The following ZNF385D variants were observed in gnomAD, a reference collection of about 807,000 sequenced individuals.
ZNF385D encodes the protein zinc finger protein 385D.
ZNF385D carries 15 observed loss-of-function variants against 35.8 expected under a neutral mutation model. The observed-to-expected ratio is 0.42, with a 90% CI of 0.28 to 0.64. The LOEUF (loss-of-function observed/expected upper bound fraction) is 0.64. Among genes scored for constraint, ZNF385D ranks in the 30% least tolerant of loss-of-function variants. The probability of loss-of-function intolerance (pLI) is 0.23; values close to 1 mark genes in which losing one functional copy is unlikely to be tolerated. For synonymous variants in ZNF385D, 212 were observed against 186.8 expected (o/e 1.13, Z -1.10); for missense variants, 474 against 494.6 (o/e 0.96, Z 0.39).
chr3:22,334,611 T>C (rs964531282), intron 2 of ZNF385D, among the ~76,000 whole-genome samples: 1 of 152,192 alleles, frequency 6.6e-6, no homozygotes, highest in African/African-American at 2.4e-5. Flanking sequence ...AATAGTTGAA[T>C]TATATTTTCT....
At chr3:21,676,143 C>T (rs2066716503) in intron 1 of ZNF385D, among the ~76,000 whole-genome samples, 2 of 152,214 alleles carry the variant, frequency 1.3e-5, no homozygotes, top group Non-Finnish European at 2.9e-5. Flanking sequence ...CACACTGTCA[C>T]TGTTTTAAGG....
intron 3 of ZNF385D, among the ~76,000 whole-genome samples, chr3:21,920,341 T>A (rs1047220315): frequency 2.6e-5 from 4 of 152,176 alleles, no homozygotes; most frequent in African/African-American, 9.7e-5. Context: ...GGAAAAAAAA[T>A]TAAAAATTGC....
At chr3:22,188,616 A>T (rs922763876) in intron 2 of ZNF385D, among the ~76,000 whole-genome samples, 27 of 151,762 alleles carry the variant, frequency 1.8e-4, no homozygotes, top group Admixed American at 1.8e-3. Flanking sequence ...CACCCTGCTA[A>T]TTTTTTGTAT....
At chr3:21,457,467 T>C (rs1702895771) in intron 4 of ZNF385D, among the ~76,000 whole-genome samples, 1 of 152,074 alleles carries the variant, frequency 6.6e-6, no homozygotes, top group Non-Finnish European at 1.5e-5. Flanking sequence ...GTGATTCTTC[T>C]GCCTCAGCCT....
intron 3 of ZNF385D, among the ~76,000 whole-genome samples, chr3:22,064,749 G>A (rs1410366808): frequency 6.6e-6 from 1 of 152,192 alleles, no homozygotes; most frequent in African/African-American, 2.4e-5. Context: ...GAAGTCATTA[G>A]TAGTATAATG....
At chr3:22,236,417 A>T (rs974100233) in intron 2 of ZNF385D, among the ~76,000 whole-genome samples, 1 of 152,084 alleles carries the variant, frequency 6.6e-6, no homozygotes, top group African/African-American at 2.4e-5. Flanking sequence ...CTGCAGCCTC[A>T]AACTCCTGGC....
chr3:21,425,118 A>G (rs1468737593), intron 6 of ZNF385D, among the ~76,000 whole-genome samples: 1 of 152,220 alleles, frequency 6.6e-6, no homozygotes, highest in African/African-American at 2.4e-5. Context: ...TAAACAAATT[A>G]AAACGGAATA....
At chr3:21,633,041 T>G (rs12634004) in intron 2 of ZNF385D, among the ~76,000 whole-genome samples, 44,927 of 151,954 alleles carry the variant, frequency 0.3, 6,943 homozygotes, top group African/African-American at 0.36. Flanking sequence ...TTACTTGAAA[T>G]GAAAATGCAC....
rs144412076 is a variant in ZNF385D at position 21,838,526 on chromosome 3, G to A, written c.326-173498C>T. The stretch of plus-strand genomic sequence containing the variant: ...TAGAATATCACACCGACACTCTAAG[G>A]CACTAGGAAGAAAATTCCCAACAGC... On this transcript the variant is annotated intron_variant, in intron 3 of 5. Transcript: ENST00000494108. 4.2e-3 allele frequency among the ~76,000 whole-genome samples: 634 copies of A among 152,158 alleles called. 7 individuals are homozygous for A. Among genetic ancestry groups the A allele is most frequent in the African/African-American group, 0.014 (591 of 41,540 alleles).
intron 3 of ZNF385D, among the ~76,000 whole-genome samples, chr3:21,885,075 A>C (rs561872746): frequency 6.6e-6 from 1 of 152,204 alleles, no homozygotes; most frequent in East Asian, 1.9e-4. Flanking sequence ...TGTTTAAAGA[A>C]AAACTTACCA....
At chr3:21,943,390 C>G (rs1701629477) in intron 3 of ZNF385D, among the ~76,000 whole-genome samples, 1 of 151,326 alleles carries the variant, frequency 6.6e-6, no homozygotes. Flanking sequence ...TGTCTTATCT[C>G]TTTTTCTATG....
At chr3:21,734,367 T>C (rs1427410311) in intron 1 of ZNF385D, among the ~76,000 whole-genome samples, 3 of 151,748 alleles carry the variant, frequency 2.0e-5, no homozygotes, top group South Asian at 2.1e-4. Flanking sequence ...TTTTTGTTTT[T>C]CTTTTTTAAA....
chr3:22,046,593 TC>T (rs1559330915), intron 3 of ZNF385D, among the ~76,000 whole-genome samples: 1 of 152,172 alleles, frequency 6.6e-6, no homozygotes, highest in Non-Finnish European at 1.5e-5. Context: ...ATCATTTTTT[TC>T]CTTTCATCTT....
At chr3:21,480,323 G>A (rs546623955) in intron 4 of ZNF385D, among the ~76,000 whole-genome samples, 3 of 152,026 alleles carry the variant, frequency 2.0e-5, no homozygotes, top group South Asian at 2.1e-4. Context: ...GGCTGATCTC[G>A]AACTCCTGAC....
chr3:22,295,048 G>T (rs965684780), intron 2 of ZNF385D, among the ~76,000 whole-genome samples: 9 of 151,818 alleles, frequency 5.9e-5, no homozygotes, highest in Admixed American at 5.3e-4. Context: ...GTTTGTTTAT[G>T]GCCCATTAAT....
Position 22,322,753 on chromosome 3 carries a change from C to A in ZNF385D, c.106+49697G>T, listed in dbSNP as rs368817631. On this transcript the variant is annotated intron_variant, in intron 2 of 5. Coordinates refer to the ZNF385D transcript ENST00000494108. ...ATGCTATTCCTCTGTATGTTTCTAC[C>A]TTTCATTTCTTCAACCATCCAGTAA... 3.0e-4 allele frequency among the ~76,000 whole-genome samples: 46 copies of A among 152,122 alleles called. 1 individual carries two copies. In the South Asian group the frequency reaches 9.1e-3, roughly 30 times the overall value.
chr3:21,751,546 T>A, upstream of ZNF385D: 1 of 673,876 alleles, frequency 1.5e-6, no homozygotes, highest in Non-Finnish European at 1.8e-6. Context: ...TAACCTCCTC[T>A]ACCAAGTTAA....
chr3:21,860,612 C>G (rs374576872), intron 3 of ZNF385D, among the ~76,000 whole-genome samples: 17 of 152,260 alleles, frequency 1.1e-4, no homozygotes, highest in African/African-American at 4.1e-4. Flanking sequence ...GATCAAGCAT[C>G]CTGACTGCAT....
At chr3:21,759,953 A>C (rs2070528168) in intron 3 of ZNF385D, among the ~76,000 whole-genome samples, 1 of 152,202 alleles carries the variant, frequency 6.6e-6, no homozygotes, top group Non-Finnish European at 1.5e-5. Context: ...AAAGTAATTG[A>C]AAGTGTTTCC....
Sources: allele counts gnomAD v4.1 joint callset (sites outside exome capture counted in the v4.1 genomes callset), GRCh38; gene constraint gnomAD v4.1.1; transcripts MANE v1.5; gene names NCBI Gene and HGNC (gene_info 2026-07-23, HGNC 2026-07-21).